BRF1: variants seen among roughly 807,000 people sequenced by gnomAD.
BRF1 encodes BRF1 general transcription factor IIIB subunit.
Under a neutral mutation model 81.7 loss-of-function variants are expected in BRF1, and 59 were observed. The observed-to-expected ratio is 0.72, with a 90% CI of 0.59 to 0.90. BRF1 has a LOEUF of 0.90. Ranked by LOEUF, BRF1 falls within the 40% of genes least tolerant of loss-of-function variation. The pLI is 0.00. For synonymous variants in BRF1, 491 were observed against 395.6 expected (o/e 1.24, Z -2.86); for missense variants, 1,050 against 936.3 (o/e 1.12, Z -1.58).
chr14:105,264,666 CAAA>C (rs56970432), intron 3 of BRF1, among the ~76,000 whole-genome samples: 1,834 of 60,586 alleles, frequency 0.03, 28 homozygotes, highest in African/African-American at 0.084. Flanking sequence ...GACTCCATCT[CAAA>C]AAAAAAAAAA....
intron 11 of BRF1, 113 bp from the exon 12 acceptor site, chr14:105,220,243 C>G: frequency 1.7e-6 from 2 of 1,157,700 alleles, no homozygotes; most frequent in Non-Finnish European, 2.5e-6. Context: ...TTTCTAGAAC[C>G]CCGTCCCCTC....
At chr14:105,263,548 C>T (rs968718150) in intron 3 of BRF1, among the ~76,000 whole-genome samples, 10 of 152,244 alleles carry the variant, frequency 6.6e-5, no homozygotes, top group African/African-American at 2.2e-4. Context: ...GGTCCTGCCA[C>T]GATCCTTCAG....
intron 4 of BRF1, 50 bp downstream of exon 4, chr14:105,256,468 C>T: frequency 6.2e-7 from 1 of 1,613,854 alleles, no homozygotes; most frequent in Non-Finnish European, 8.5e-7. Context: ...GGTCACAACC[C>T]CCAGGTCACA....
chr14:105,215,643 C>CACAGGCACACACACACTGCATAA (rs1891038495), intron 15 of BRF1, among the ~76,000 whole-genome samples: 1 of 146,170 alleles, frequency 6.8e-6, no homozygotes, highest in Non-Finnish European at 1.5e-5. Flanking sequence ...CATACACAGA[C>CACAGGCACACACACACTGCATAA]ACAGGCACAC....
Position 105,309,586 on chromosome 14 carries a change from C to G in BRF1, c.-162+5736G>C, listed in dbSNP as rs956574387. ...GATACCCATGAGCCCAGGCAAATCT[C>G]CCAAGACGCTGCCAAGCCACTCTGC... On this transcript the variant is annotated intron_variant, in intron 1 of 17. Coordinates refer to the BRF1 transcript ENST00000327359. This position sits in a 1 kb window ranked among gnomAD's most constrained non-coding sequence, Gnocchi z 4.0. 2.0e-5 allele frequency among the ~76,000 whole-genome samples: 3 copies of G among 152,160 alleles called. No individual in the cohort carries two copies. The highest frequency in any genetic ancestry group is 7.2e-5 in the African/African-American group (3 of 41,434).
intron 15 of BRF1, among the ~76,000 whole-genome samples, chr14:105,216,618 C>T (rs915155952): frequency 6.6e-6 from 1 of 152,228 alleles, no homozygotes; most frequent in Non-Finnish European, 1.5e-5. Flanking sequence ...GGCCACAGCA[C>T]AGCCAACTCT....
chr14:105,250,431 T>C (rs2140295922), intron 5 of BRF1: 24 of 1,613,980 alleles, frequency 1.5e-5, no homozygotes, highest in East Asian at 2.2e-5. Context: ...ACCAAGTTCA[T>C]GTCAGACGGA....
chr14:105,213,415 CT>C (rs60509845), intron 15 of BRF1: 5,693 of 146,804 alleles, frequency 0.039, 362 homozygotes, highest in African/African-American at 0.13. Context: ...TAGTTTTTTT[CT>C]TTTTTTTTTT....
chr14:105,261,891 G>A (rs587696956), intron 3 of BRF1, among the ~76,000 whole-genome samples: 5 of 152,314 alleles, frequency 3.3e-5, no homozygotes, highest in East Asian at 1.9e-4. Flanking sequence ...GCACTGCACC[G>A]GCCCACGGCT....
intron 5 of BRF1, chr14:105,248,094 C>G (rs889622650): frequency 3.0e-5 from 30 of 985,344 alleles, no homozygotes; most frequent in Admixed American, 6.1e-5. Context: ...CCTATTTCCT[C>G]GAGGAAAATG....
At chr14:105,263,233 T>TAAA (rs2056240005) in intron 3 of BRF1, among the ~76,000 whole-genome samples, 2 of 56,714 alleles carry the variant, frequency 3.5e-5, no homozygotes, top group African/African-American at 1.6e-4. Flanking sequence ...TAAGACTCCA[T>TAAA]CAAAAAAAAA....
chr14:105,277,818 G>A (rs916381055), intron 2 of BRF1, among the ~76,000 whole-genome samples: 5 of 152,140 alleles, frequency 3.3e-5, no homozygotes, highest in Non-Finnish European at 5.9e-5. Context: ...GCAGTGGTGC[G>A]ATCTCAGCTC....
chr14:105,244,163 C>T (rs976426317), intron 5 of BRF1, among the ~76,000 whole-genome samples: 3 of 150,508 alleles, frequency 2.0e-5, no homozygotes, highest in East Asian at 2.0e-4. Context: ...AATCTGGGGC[C>T]GGATGCAGTG....
chr14:105,244,036 G>A (rs186453556), intron 5 of BRF1, among the ~76,000 whole-genome samples: 113 of 152,124 alleles, frequency 7.4e-4, no homozygotes, highest in African/African-American at 2.6e-3. Flanking sequence ...AAGCCAGGCA[G>A]AGTGGCTCAT....
intron 15 of BRF1, among the ~76,000 whole-genome samples, chr14:105,216,545 G>A (rs1891341859): frequency 6.6e-6 from 1 of 152,202 alleles, no homozygotes; most frequent in Non-Finnish European, 1.5e-5. Flanking sequence ...GCACCAGCCT[G>A]CCAGGAGGTC....
intron 15 of BRF1, among the ~76,000 whole-genome samples, chr14:105,213,897 C>T (rs779401338): frequency 3.7e-4 from 56 of 152,194 alleles, no homozygotes; most frequent in Non-Finnish European, 6.0e-4. Context: ...CCCTCTTCCA[C>T]GCAGTATCCT....
At chr14:105,247,718 G>C in intron 5 of BRF1, 2 of 985,480 alleles carry the variant, frequency 2.0e-6, no homozygotes, top group South Asian at 4.7e-5. Context: ...AAGCCTGGCG[G>C]TCCAGGAGGT....
chr14:105,302,225 C>G (rs746361128), upstream of BRF1, among the ~76,000 whole-genome samples: 1 of 137,428 alleles, frequency 7.3e-6, no homozygotes, highest in African/African-American at 2.7e-5. Context: ...TTTTTTGAGA[C>G]GGAGTCTCTG....
In BRF1 at chr14:105,221,856, C is replaced by A. The variant is rs376648039; in HGVS notation, c.1107G>T (p.Glu369Asp). Reference protein sequence around the residue: ...LCGEEDTEDEELEAAASHLNK... With the variant: ...LCGEEDTEDEDLEAAASHLNK... ...TCAGGTGGCTGGCCGCGGCTTCCAG[C>A]TCCTCGTCCTCTGTGTCCTCCTCGC... is the stretch of plus-strand genomic sequence containing the variant. Residue 369 changes from glutamate (E) to aspartate (D), a missense_variant, in exon 11 of 18, where the codon GAG becomes GAT. Physicochemically the swap from Glu to Asp is conservative, Grantham distance 45 (BLOSUM62 2). Coordinates refer to ENST00000547530, the MANE Select transcript of BRF1 (RefSeq NM_001519.4). 15 of 1,604,352 alleles carry A rather than the reference C, an allele frequency of 9.3e-6. No homozygotes were observed. The highest frequency in any genetic ancestry group is 1.3e-5 in the Non-Finnish European group (15 of 1,176,114).
Sources: gnomAD v4.1 joint callset for allele counts (sites outside exome capture counted in the v4.1 genomes callset) on GRCh38, gnomAD v4.1.1 for gene constraint, Gnocchi (gnomAD v3.1) non-coding constraint, MANE v1.5 for transcripts, NCBI Gene and HGNC (gene_info 2026-07-23, HGNC 2026-07-21) for gene names.